Variants in CERK observed in about 807,000 individuals in gnomAD.
CERK encodes acylsphingosine kinase.
A neutral mutation model predicts 63.4 loss-of-function variants in CERK; 39 were observed. The observed-to-expected ratio is 0.61, with a 90% CI of 0.48 to 0.80. The LOEUF is 0.80. Ranked by LOEUF, CERK falls within the 30% of genes least tolerant of loss-of-function variation. The probability of loss-of-function intolerance (pLI) is 0.00; values close to 1 mark genes in which losing one functional copy is unlikely to be tolerated. For missense variants in CERK, 670 were observed against 714.1 expected, an observed-to-expected ratio of 0.94 and a Z score of 0.70; for synonymous variants, 302 against 280.0, an observed-to-expected ratio of 1.08 and a Z score of -0.78.
At chr22:46,693,963 CCTT>C (rs1344365283) in intron 9 of CERK, among the ~76,000 whole-genome samples, 1 of 152,190 alleles carries the variant, frequency 6.6e-6, no homozygotes, top group Non-Finnish European at 1.5e-5. Context: ...TCTAGCACGT[CCTT>C]CTGATCTTGG....
At chr22:46,688,415 G>A (rs1373015595) in intron 12 of CERK, among the ~76,000 whole-genome samples, 1 of 152,152 alleles carries the variant, frequency 6.6e-6, no homozygotes, top group Non-Finnish European at 1.5e-5. Context: ...TCCCAAACTT[G>A]TCAAATGAGT....
chr22:46,704,021 T>C (rs2082801449), intron 6 of CERK, among the ~76,000 whole-genome samples: 1 of 152,138 alleles, frequency 6.6e-6, no homozygotes, highest in Non-Finnish European at 1.5e-5. Flanking sequence ...AGAGACCCTC[T>C]CCCCAGACCC....
intron 10 of CERK, 148 bp downstream of exon 10, chr22:46,693,279 G>A (rs1234164446): frequency 1.5e-6 from 1 of 648,514 alleles, no homozygotes; most frequent in Non-Finnish European, 2.8e-6. Context: ...ACGCTGCCTG[G>A]GGCTAAGAAG....
intron 1 of CERK, among the ~76,000 whole-genome samples, chr22:46,734,337 G>A (rs1034543723): frequency 4.0e-5 from 6 of 150,794 alleles, no homozygotes; most frequent in Non-Finnish European, 8.8e-5. Context: ...TAAAGCAGCC[G>A]GGCACAAAGA....
intron 5 of CERK, among the ~76,000 whole-genome samples, chr22:46,709,253 G>C (rs2082828606): frequency 6.6e-6 from 1 of 152,236 alleles, no homozygotes; most frequent in Admixed American, 6.5e-5. Context: ...GCATGTCCCT[G>C]GGTTTGGGGA....
chr22:46,734,895 T>C (rs1252631219), intron 1 of CERK, among the ~76,000 whole-genome samples: 1 of 152,244 alleles, frequency 6.6e-6, no homozygotes, highest in Non-Finnish European at 1.5e-5. Context: ...AAAGTATCTG[T>C]GGCATGCCTA....
intron 12 of CERK, among the ~76,000 whole-genome samples, chr22:46,688,774 C>T (rs964509129): frequency 1.3e-5 from 2 of 152,260 alleles, no homozygotes; most frequent in Non-Finnish European, 2.9e-5. Context: ...ATCGCTCTCA[C>T]GCCAGCCACA....
intron 1 of CERK, among the ~76,000 whole-genome samples, chr22:46,737,406 G>A (rs1343091405): frequency 6.6e-6 from 1 of 152,178 alleles, no homozygotes; most frequent in Non-Finnish European, 1.5e-5. Context: ...GTTTACCAAA[G>A]TCACTCTTCT....
Position 46,691,699 on chromosome 22 carries a change from C to T in CERK, c.1205G>A (p.Arg402Gln), listed in dbSNP as rs149901096. 11 of 1,613,816 alleles carry T rather than the reference C, an allele frequency of 6.8e-6. No homozygotes were observed. Among genetic ancestry groups the T allele is most frequent in the South Asian group, 5.5e-5 (5 of 91,082 alleles). Residue 402 changes from arginine to glutamine, a missense_variant, in exon 11 of 13, where the codon CGG becomes CAG. Transcript: ENST00000216264. ...AGCCGGGGAGAGGCCCCTGGGGCTC[C>T]GGCGACAAGCACAGGACATGTTTGT... ...NATNMSCACRRSPRGLSPAAH... is the reference protein window; with the variant it reads ...NATNMSCACRQSPRGLSPAAH...
At chr22:46,717,971 C>G (rs1006827856) in intron 3 of CERK, among the ~76,000 whole-genome samples, 6 of 152,234 alleles carry the variant, frequency 3.9e-5, no homozygotes, top group Admixed American at 2.6e-4. Context: ...ATCTCAGCTA[C>G]TTAGGAGGCT....
intron 6 of CERK, among the ~76,000 whole-genome samples, chr22:46,702,276 C>A (rs2082790435): frequency 2.4e-5 from 3 of 124,018 alleles, no homozygotes; most frequent in South Asian, 5.8e-4. Context: ...TGAACATTTA[C>A]AATTATAGGC....
chr22:46,703,005 G>A (rs1308817725), intron 6 of CERK, among the ~76,000 whole-genome samples: 1 of 152,156 alleles, frequency 6.6e-6, no homozygotes, highest in African/African-American at 2.4e-5. Flanking sequence ...GGGGCTCCAG[G>A]GGGGTTGCTC....
intron 6 of CERK, among the ~76,000 whole-genome samples, chr22:46,703,405 C>T (rs1000407860): frequency 6.6e-6 from 1 of 152,212 alleles, no homozygotes; most frequent in East Asian, 1.9e-4. Flanking sequence ...CACCTTCTAG[C>T]GGCTGGAACC....
chr22:46,724,790 T>C (rs139274006), intron 1 of CERK, among the ~76,000 whole-genome samples: 5,263 of 152,052 alleles, frequency 0.035, 122 homozygotes, highest in Middle Eastern at 0.095. Context: ...GAGGCTAAGG[T>C]GGGCGGATCA....
intron 12 of CERK, among the ~76,000 whole-genome samples, chr22:46,687,419 G>A (rs1601705769): frequency 1.3e-5 from 2 of 152,202 alleles, no homozygotes; most frequent in African/African-American, 4.8e-5. Flanking sequence ...AGCCCACAAT[G>A]ACGGGCCCTG....
intron 3 of CERK, among the ~76,000 whole-genome samples, chr22:46,716,499 G>A (rs9616103): frequency 0.17 from 24,534 of 146,464 alleles, 3,125 homozygotes; most frequent in African/African-American, 0.36. Flanking sequence ...CCAAGACCCC[G>A]TCTCTTAAAA....
chr22:46,702,233 G>A lies in CERK; in HGVS notation c.716-523C>T, dbSNP rs1489915702. ...TAAAAAAATATATATATGTGTGTGT[G>A]TGTGTGTGTGTGTGTGTGTGTGTGT... On this transcript the variant is annotated intron_variant, in intron 6 of 12. Coordinates refer to ENST00000216264, the MANE Select transcript of CERK (RefSeq NM_022766.6). Among the ~76,000 whole-genome samples the A allele has an allele frequency of 1.9e-4, 19 of 99,682 alleles. 1 individual carries two copies. Among genetic ancestry groups the A allele is most frequent in the African/African-American group, 6.4e-4 (17 of 26,420 alleles). The allele number at this position is 99,682 out of a possible 152,430, so 65.4% of individuals were successfully genotyped here. A position where few individuals can be genotyped will look rare whatever the true frequency, so the allele number is the denominator to read the frequency against.
intron 12 of CERK, among the ~76,000 whole-genome samples, chr22:46,689,176 C>A (rs1029669288): frequency 2.0e-5 from 3 of 152,250 alleles, no homozygotes; most frequent in Admixed American, 1.3e-4. Context: ...GCTGCGTGGC[C>A]TCCAGCACGG....
At chr22:46,692,426 T>TAAAAAAAA (rs553286743) in intron 10 of CERK, among the ~76,000 whole-genome samples, 3 of 93,114 alleles carry the variant, frequency 3.2e-5, no homozygotes, top group Admixed American at 1.3e-4. Context: ...AACTCTGTCT[T>TAAAAAAAA]AAAAAAAAAA....
Sources: gnomAD v4.1 joint callset for allele counts (sites outside exome capture counted in the v4.1 genomes callset) on GRCh38, gnomAD v4.1.1 for gene constraint, MANE v1.5 for transcripts, NCBI Gene and HGNC (gene_info 2026-07-23, HGNC 2026-07-21) for gene names.